E4F1: variants seen among roughly 807,000 people sequenced by gnomAD.
E4F1 encodes the protein E4F transcription factor 1.
E4F1 carries 30 observed loss-of-function variants against 72.9 expected under a neutral mutation model. The observed-to-expected ratio is 0.41, with a 90% confidence interval of 0.31 to 0.56. The LOEUF (loss-of-function observed/expected upper bound fraction) is 0.56. Among genes scored for constraint, E4F1 ranks in the 20% least tolerant of loss-of-function variants. The pLI is 0.25. For missense variants in E4F1, 1,091 were observed against 1,117.5 expected (o/e 0.98, Z 0.34); for synonymous variants, 542 against 478.2 (o/e 1.13, Z -1.74).
chr16:2,225,141 A>C (rs2093423787), intron 1 of E4F1, among the ~76,000 whole-genome samples: 1 of 152,050 alleles, frequency 6.6e-6, no homozygotes, highest in African/African-American at 2.4e-5. Flanking sequence ...TGAGCCCAGG[A>C]GACGGAGGTC....
rs745517753 is a variant in E4F1, at chr16:2,233,157, C to T, written c.1030C>T (p.Leu344=). 20 of 1,609,116 alleles carry T rather than the reference C, an allele frequency of 1.2e-5. No homozygotes were observed. The highest frequency in any genetic ancestry group is 4.4e-5 in the South Asian group (4 of 90,850). ...EVHVQMQELS[L]GMKALAPEPP... ...CCACGTCCAGATGCAGGAGCTGTCC[C>T]TGGGCATGAAAGCCCTGGCCCCAGA... The change falls in exon 7 of 14, where the codon CTG becomes TTG. Residue 344 remains leucine (L), a synonymous_variant. Transcript: ENST00000301727.
In E4F1 at chr16:2,234,956, G is replaced by A. The variant is rs897274017; in HGVS notation, c.1890G>A (p.Val630=). 6.3e-7 allele frequency: 1 copy of A among 1,592,074 alleles called. No individual in the cohort carries two copies. The highest frequency in any genetic ancestry group is 8.6e-7 in the Non-Finnish European group (1 of 1,169,370). Residue 630 remains valine (V), a synonymous_variant, in exon 12 of 14, where the codon GTG becomes GTA. Coordinates refer to ENST00000301727, the MANE Select transcript of E4F1 (RefSeq NM_004424.5). ...CGGAAGACCCGCACACAGTGTTGGT[G>A]GAGTTCTCGTCCGTGGTAGCTGACA... ...VLTEDPHTVL[V]EFSSVVADTQ...
Position 2,235,488 on chromosome 16 carries a change from G to A in E4F1, c.2271G>A (p.Glu757=), listed in dbSNP as rs2093502712. ...CCACTGTGACCATGGTGTCATCAGA[G>A]GACATCGAGATCCTGGAGCATGCAG... The part of the protein sequence containing the change: ...EQATVTMVSS[E]DIEILEHAGE... The change falls in exon 14 of 14, where the codon GAG becomes GAA. Residue 757 remains glutamate, a synonymous_variant. Coordinates refer to ENST00000301727, the MANE Select transcript of E4F1 (RefSeq NM_004424.5). 1 of 1,611,632 alleles carries A rather than the reference G, an allele frequency of 6.2e-7. No individual in the cohort carries two copies. Among genetic ancestry groups the A allele is most frequent in the Non-Finnish European group, 8.5e-7 (1 of 1,179,106 alleles).
At position 2,234,999 on chromosome 16, in the gene E4F1, G is replaced by T; in HGVS notation, c.1933G>T (p.Glu645Ter). ...VVADTQEYII[E>*]ATADDAETSE... ...AGCTGACACCCAGGAGTATATCATCGAGGTGGGTGTGGGGCCCTGGGGCCG... is the reference window on the plus strand; with the variant it reads ...AGCTGACACCCAGGAGTATATCATCTAGGTGGGTGTGGGGCCCTGGGGCCG... The change falls in exon 12 of 14, where the codon GAG (glutamate) becomes TAG (stop). Residue 645 changes from glutamate (E) to a stop codon, truncating the protein, a stop_gained and splice_region_variant. Coordinates refer to ENST00000301727, the MANE Select transcript of E4F1 (RefSeq NM_004424.5). LOFTEE classifies it high-confidence loss of function. The T allele has an allele frequency of 6.2e-7, 1 of 1,611,212 alleles. No individual in the cohort carries two copies. Among genetic ancestry groups the T allele is most frequent in the South Asian group, 1.1e-5 (1 of 90,852 alleles).
chr16:2,227,034 T>G (rs1321445211), intron 1 of E4F1, among the ~76,000 whole-genome samples: 1 of 152,176 alleles, frequency 6.6e-6, no homozygotes, highest in Non-Finnish European at 1.5e-5. Context: ...AGTTTTTGTT[T>G]GTTTGTTTTG....
chr16:2,229,452 G>C (rs2093452712), intron 2 of E4F1, 118 bp from the exon 3 acceptor site: 1 of 1,074,370 alleles, frequency 9.3e-7, no homozygotes, highest in Non-Finnish European at 1.4e-6. Flanking sequence ...GTGGACCCAG[G>C]CCTGAGCACC....
intron 4 of E4F1, 35 bp downstream of exon 4, chr16:2,232,399 G>A: frequency 6.2e-7 from 1 of 1,601,286 alleles, no homozygotes; most frequent in Non-Finnish European, 8.5e-7. Flanking sequence ...TGTGTGGGTG[G>A]CAGGCCCCCT....
chr16:2,233,742 G>A, intron 8 of E4F1, 95 bp downstream of exon 8: 1 of 1,452,080 alleles, frequency 6.9e-7, no homozygotes, highest in South Asian at 1.3e-5. Flanking sequence ...GCTTTCTGCA[G>A]TGACTTTGTC....
At chr16:2,223,913 C>T (rs1346363907) in intron 1 of E4F1, 143 bp downstream of exon 1, 1 of 1,531,282 alleles carries the variant, frequency 6.5e-7, no homozygotes. Flanking sequence ...CCTCACAGCC[C>T]TCCACGAAAC....
chr16:2,232,512 C>T lies in E4F1; in HGVS notation c.666C>T (p.Cys222=), dbSNP rs775707051. 1.2e-6 allele frequency: 2 copies of T among 1,611,806 alleles called. No homozygotes were observed. Among genetic ancestry groups the T allele is most frequent in the Non-Finnish European group, 1.7e-6 (2 of 1,179,568 alleles). Residue 222 remains cysteine (C), a synonymous_variant, in exon 5 of 14, where the codon TGC becomes TGT. Coordinates refer to ENST00000301727, the MANE Select transcript of E4F1 (RefSeq NM_004424.5). ...VTHSSRKDHE[C]KLCGASFRTK... ...ACAGCAGCCGCAAGGACCACGAGTG[C>T]AAGCTCTGTGGGGCCTCCTTCCGCA...
chr16:2,225,843 C>T (rs1230394222), intron 1 of E4F1, among the ~76,000 whole-genome samples: 1 of 149,814 alleles, frequency 6.7e-6, no homozygotes, highest in East Asian at 2.0e-4. Flanking sequence ...CGCCTGTAAT[C>T]CCAGCACTTT....
chr16:2,223,733 C>A lies in E4F1; in HGVS notation c.120C>A (p.Ser40Arg). ...VAAVAAALAP[S>R]GFLGLPAPFS... The stretch of plus-strand genomic sequence containing the variant: ...CGGTGGCGGCGGCCTTGGCCCCCAG[C>A]GGCTTCCTCGGCCTCCCGGCGCCCT... Residue 40 changes from serine to arginine, a missense_variant, in exon 1 of 14, where the codon AGC (serine) becomes AGA (arginine). By Grantham distance (110) the Ser-to-Arg change is moderately radical (BLOSUM62 -1). Transcript: ENST00000301727. 1 of 1,538,272 alleles carries A rather than the reference C, an allele frequency of 6.5e-7. No homozygotes were observed. The highest frequency in any genetic ancestry group is 8.7e-7 in the Non-Finnish European group (1 of 1,153,954).
In E4F1 at chr16:2,232,877, C is replaced by T. The variant is rs150020970; in HGVS notation, c.852C>T (p.Asp284=). 1.2e-5 allele frequency: 20 copies of T among 1,613,292 alleles called. No homozygotes were observed. The highest frequency in any genetic ancestry group is 1.1e-4 in the African/African-American group (8 of 74,922). Residue 284 remains aspartate (D), a synonymous_variant, in exon 6 of 14, where the codon GAC becomes GAT. Transcript: ENST00000301727. ...AAATCCGCTTCAGTGTGAGCAAGGA[C>T]GTGGTTGTCAGCAAAGAGGACGCAC... ...TEKIRFSVSK[D]VVVSKEDARA...
At position 2,235,341 on chromosome 16, in the gene E4F1, C is replaced by T. The variant is rs369465221; in HGVS notation, c.2124C>T (p.Ala708=). The T allele has an allele frequency of 4.3e-5, 69 of 1,610,120 alleles. 1 individual carries two copies. Among genetic ancestry groups the T allele is most frequent in the South Asian group, 2.2e-4 (20 of 91,080 alleles). The change falls in exon 14 of 14, where the codon GCC becomes GCT. Residue 708 remains alanine (A), a synonymous_variant. Transcript: ENST00000301727. ...CGCTGGGCCCAGAGGCGGCTGCCGC[C>T]GACACCATCACCATCGCCACCCCCG... ...ETALGPEAAA[A]DTITIATPES...
intron 1 of E4F1, among the ~76,000 whole-genome samples, chr16:2,227,673 G>A (rs532002945): frequency 2.0e-5 from 3 of 152,104 alleles, no homozygotes; most frequent in African/African-American, 2.4e-5. Context: ...CCCTAATTTT[G>A]TATTTTTAGT....
rs1039257561 is a variant in E4F1, at chr16:2,234,418, C to G, written c.1593+30C>G. ...GTCTCTGGCCGCAGGACCCTGGCGC[C>G]TGATCCCCCCATCCTGCTCCCTGGC... On this transcript the variant is annotated intron_variant, in intron 10 of 13. Coordinates refer to ENST00000301727, the MANE Select transcript of E4F1 (RefSeq NM_004424.5). 16 of 1,610,228 alleles carry G rather than the reference C, an allele frequency of 9.9e-6. No individual in the cohort carries two copies. The Admixed American group carries it at 2.5e-4, about 25-fold the overall frequency.
At chr16:2,234,500 C>G in intron 10 of E4F1, 83 bp from the exon 11 acceptor site, 2 of 1,560,310 alleles carry the variant, frequency 1.3e-6, no homozygotes, top group Non-Finnish European at 8.7e-7. Flanking sequence ...TGACCCAGCC[C>G]CTCCCTTGGG....
At chr16:2,233,386 G>A in intron 7 of E4F1, 52 bp from the exon 8 acceptor site, 1 of 1,477,722 alleles carries the variant, frequency 6.8e-7, no homozygotes, top group Non-Finnish European at 8.9e-7. Context: ...CATGGGGTGG[G>A]TGCTGGATGC....
chr16:2,234,076 A>G, intron 9 of E4F1, 86 bp downstream of exon 9: 1 of 1,546,408 alleles, frequency 6.5e-7, no homozygotes, highest in Non-Finnish European at 8.8e-7. Context: ...GTGGGTCCAT[A>G]GACAGCAGGG....
Sources: allele counts gnomAD v4.1 joint callset (sites outside exome capture counted in the v4.1 genomes callset), GRCh38; gene constraint gnomAD v4.1.1; transcripts MANE v1.5; gene names NCBI Gene and HGNC (gene_info 2026-07-23, HGNC 2026-07-21).